Variants in RERE observed in about 807,000 individuals in gnomAD.
The protein encoded by RERE is arginine-glutamic acid dipeptide repeats protein.
In RERE, 40 loss-of-function variants were observed where a neutral mutation model predicts 146.1. The ratio of observed to expected loss-of-function variants is 0.27; its 90% CI spans 0.21 to 0.36. RERE has a LOEUF of 0.36. Among genes scored for constraint, RERE ranks in the 10% least tolerant of loss-of-function variants. The probability of loss-of-function intolerance (pLI) is 1.00; values close to 1 mark genes in which losing one functional copy is unlikely to be tolerated. For synonymous variants in RERE, 1,003 were observed against 866.0 expected (o/e 1.16, Z -2.78); for missense variants, 1,933 against 2,138.7 (o/e 0.90, Z 1.90).
At chr1:8,384,051 G>C (rs6661560) in intron 12 of RERE, among the ~76,000 whole-genome samples, 2,278 of 152,260 alleles carry the variant, frequency 0.015, 58 homozygotes, top group African/African-American at 0.052. Flanking sequence ...AGACTCTTTA[G>C]AATTAAGCTT....
chr1:8,739,006 GAT>G (rs1178437602), intron 1 of RERE, among the ~76,000 whole-genome samples: 1 of 152,114 alleles, frequency 6.6e-6, no homozygotes, highest in African/African-American at 2.4e-5. Flanking sequence ...CTCTCTTTAT[GAT>G]TCTAACAGAA....
Position 8,361,747 on chromosome 1 carries a change from C to CA in RERE, c.2016+15dup. On this transcript the variant is annotated intron_variant, in intron 17 of 22. Transcript: ENST00000400908. ...AGCATTAGCTTTACTCAGCAAGGCT[C>CA]AGCAGCAAACCTCACCTGCGTTTTT... The CA allele has an allele frequency of 6.3e-7, 1 of 1,595,506 alleles. No individual in the cohort carries two copies. Among genetic ancestry groups the CA allele is most frequent in the Non-Finnish European group, 8.6e-7 (1 of 1,163,298 alleles).
intron 1 of RERE, among the ~76,000 whole-genome samples, chr1:8,766,860 G>GT (rs1640860306): frequency 6.6e-6 from 1 of 152,098 alleles, no homozygotes; most frequent in Non-Finnish European, 1.5e-5. Flanking sequence ...TTGTTTTAAG[G>GT]TTTTGTTGGA....
At position 8,496,331 on chromosome 1, in the gene RERE, G is replaced by C. The variant is rs566069570; in HGVS notation, c.1004+1074C>G. On this transcript the variant is annotated intron_variant, in intron 9 of 22. Coordinates refer to ENST00000400908, the MANE Select transcript of RERE (RefSeq NM_001042681.2). ...TCAACCAAAAACAAAATTAAAAATA[G>C]CCGGGCATGGTGCCACGGGTCTATA... Among the ~76,000 whole-genome samples, 15 of 152,018 alleles carry C rather than the reference G, an allele frequency of 9.9e-5. 1 individual carries two copies. The highest frequency in any genetic ancestry group is 6.5e-4 in the Admixed American group (10 of 15,268).
intron 1 of RERE, among the ~76,000 whole-genome samples, chr1:8,665,669 T>C (rs562427903): frequency 6.6e-6 from 1 of 152,228 alleles, no homozygotes; most frequent in East Asian, 1.9e-4. Context: ...CAGTACAAAG[T>C]AAATTTAAGT....
intron 18 of RERE, 36 bp from the exon 19 acceptor site, chr1:8,360,022 C>A: frequency 6.2e-7 from 1 of 1,607,082 alleles, no homozygotes; most frequent in Middle Eastern, 1.7e-4. Flanking sequence ...GGAGCTCCTG[C>A]CGAGACCCAC....
intron 1 of RERE, among the ~76,000 whole-genome samples, chr1:8,704,007 T>C (rs1252408138): frequency 6.6e-6 from 1 of 152,204 alleles, no homozygotes; most frequent in Non-Finnish European, 1.5e-5. Flanking sequence ...GCTTAAATTG[T>C]GCATGATTGA....
intron 4 of RERE, among the ~76,000 whole-genome samples, chr1:8,608,370 A>G (rs1335946924): frequency 6.6e-6 from 1 of 152,076 alleles, no homozygotes; most frequent in East Asian, 1.9e-4. Context: ...AATTTTAGGT[A>G]GCATACACCT....
intron 12 of RERE, among the ~76,000 whole-genome samples, chr1:8,422,281 T>C (rs79027566): frequency 3.9e-5 from 6 of 152,284 alleles, no homozygotes; most frequent in Admixed American, 6.5e-5. Context: ...CAGAGCAACA[T>C]TGAAAAATGG....
At position 8,490,625 on chromosome 1, in the gene RERE, A is replaced by T. The variant is rs944418746; in HGVS notation, c.1104+4438T>A. Among the ~76,000 whole-genome samples the T allele has an allele frequency of 2.7e-5, 4 of 150,678 alleles. 1 individual carries two copies. The highest frequency in any genetic ancestry group is 1.0e-4 in the African/African-American group (4 of 39,986). On this transcript the variant is annotated intron_variant, in intron 10 of 22. Transcript: ENST00000400908. ...AATACTTATCAATAAAAAGGGGATG[A>T]ACTATCGATACATGAAACACAACTG...
intron 1 of RERE, among the ~76,000 whole-genome samples, chr1:8,785,637 T>A (rs1641245911): frequency 6.6e-6 from 1 of 152,250 alleles, no homozygotes. Flanking sequence ...GCTGCTTTTT[T>A]TTGAGACGAA....
chr1:8,710,542 G>A (rs1324105070), intron 1 of RERE, among the ~76,000 whole-genome samples: 1 of 152,060 alleles, frequency 6.6e-6, no homozygotes, highest in South Asian at 2.1e-4. Context: ...TTTTTGAGAC[G>A]GAGTCTCGCT....
rs1334177982 is a variant in RERE at position 8,361,280 on chromosome 1, C to G, written c.2227G>C (p.Ala743Pro). Reference sequence around the variant, plus strand: ...GGAGCTGGGGTGACCCCAGTGGGAGCCTGCAAGGCTGGGGGCTGGGCCTGC... The same window carrying G: ...GGAGCTGGGGTGACCCCAGTGGGAGGCTGCAAGGCTGGGGGCTGGGCCTGC... The part of the protein sequence containing the change: ...MLQAQPPALQ[A>P]PTGVTPAPSS... The change falls in exon 18 of 23, where the codon GCT becomes CCT. Residue 743 changes from alanine to proline, a missense_variant. Ala to Pro is a conservative substitution (Grantham distance 27). Coordinates refer to ENST00000400908, the MANE Select transcript of RERE (RefSeq NM_001042681.2). 1 of 1,597,050 alleles carries G rather than the reference C, an allele frequency of 6.3e-7. No individual in the cohort carries two copies. The highest frequency in any genetic ancestry group is 8.5e-7 in the Non-Finnish European group (1 of 1,172,046).
chr1:8,360,673 T>C lies in RERE; in HGVS notation c.2834A>G (p.His945Arg), dbSNP rs2124367224. ...CCCCGAGAGGTGGGGAGGGTGCTTG[T>C]GGGCCTGTGGCGCCGGCAGCTGGGG... is the stretch of plus-strand genomic sequence containing the variant. ...PIPQLPAPQA[H>R]KHPPHLSGPS... Residue 945 changes from histidine to arginine, a missense_variant, in exon 18 of 23, where the codon CAC (histidine) becomes CGC (arginine). By Grantham distance (29) the His-to-Arg change is conservative. Around this residue, in one of 11 missense-constraint regions of RERE, gnomAD observed 1,255 missense variants for 1,153.8 expected, o/e 1.09. Transcript: ENST00000400908. 1 of 1,512,326 alleles carries C rather than the reference T, an allele frequency of 6.6e-7. No homozygotes were observed. Among genetic ancestry groups the C allele is most frequent in the Non-Finnish European group, 8.8e-7 (1 of 1,134,192 alleles). The allele number at this position is 1,512,326 out of a possible 1,614,324, so 93.7% of individuals were successfully genotyped here.
chr1:8,704,456 CA>C (rs1230681943), intron 1 of RERE, among the ~76,000 whole-genome samples: 1 of 152,186 alleles, frequency 6.6e-6, no homozygotes, highest in Non-Finnish European at 1.5e-5. Flanking sequence ...CCCTTCCAGG[CA>C]AGTTTCATGG....
chr1:8,760,169 G>A (rs1221458025), intron 1 of RERE, among the ~76,000 whole-genome samples: 4 of 152,260 alleles, frequency 2.6e-5, no homozygotes, highest in South Asian at 4.2e-4. Context: ...GGGATTACAG[G>A]TGCCCGCCAC....
intron 8 of RERE, among the ~76,000 whole-genome samples, chr1:8,504,661 G>A (rs973112713): frequency 1.3e-5 from 2 of 152,104 alleles, no homozygotes; most frequent in African/African-American, 2.4e-5. Flanking sequence ...AGATCAGCCT[G>A]GCCAACATAG....
At chr1:8,702,535 G>A (rs944939186) in intron 1 of RERE, among the ~76,000 whole-genome samples, 35 of 152,080 alleles carry the variant, frequency 2.3e-4, no homozygotes, top group African/African-American at 8.5e-4. Context: ...AGCTACTCTG[G>A]CAAAATAACA....
intron 4 of RERE, among the ~76,000 whole-genome samples, chr1:8,609,357 T>C (rs1646763161): frequency 6.6e-6 from 1 of 152,154 alleles, no homozygotes; most frequent in Non-Finnish European, 1.5e-5. Context: ...GCATTATAGG[T>C]CAGCTGGGTG....
Sources: allele counts gnomAD v4.1 joint callset (sites outside exome capture counted in the v4.1 genomes callset), GRCh38; gene constraint gnomAD v4.1.1; regional missense constraint gnomAD v4.1.1; transcripts MANE v1.5; gene names NCBI Gene and HGNC (gene_info 2026-07-23, HGNC 2026-07-21).